The following PXDN variants were observed in gnomAD, a reference collection of about 807,000 sequenced individuals.
PXDN encodes the protein peroxidasin, also known as peroxidasin homolog.
In PXDN, 77 loss-of-function variants were observed where a neutral mutation model predicts 140.3. That is an observed-to-expected ratio of 0.55 (90% CI 0.46 to 0.66). The LOEUF is 0.66. Among genes scored for constraint, PXDN ranks in the 30% least tolerant of loss-of-function variants. The pLI is 0.00. For synonymous variants in PXDN, 911 were observed against 857.4 expected, an observed-to-expected ratio of 1.06 and a Z score of -1.09; for missense variants, 1,838 against 2,039.5, an observed-to-expected ratio of 0.90 and a Z score of 1.90.
intron 1 of PXDN, among the ~76,000 whole-genome samples, chr2:1,700,204 G>T (rs1165805896): frequency 6.6e-6 from 1 of 152,160 alleles, no homozygotes; most frequent in Non-Finnish European, 1.5e-5. Context: ...TGGGATTACA[G>T]GCGCATGCCA....
chr2:1,743,767 G>C (rs114382205), intron 1 of PXDN, among the ~76,000 whole-genome samples: 1 of 130,922 alleles, frequency 7.6e-6, no homozygotes, highest in East Asian at 2.5e-4. Flanking sequence ...GACGAGGAAC[G>C]GGGCGGAGGG....
At position 1,687,642 on chromosome 2, in the gene PXDN, G is replaced by C; in HGVS notation, c.406C>G (p.Leu136Val). 6.6e-7 allele frequency: 1 copy of C among 1,514,786 alleles called. No homozygotes were observed. The allele number at this position is 1,514,786 out of a possible 1,614,324, so 93.8% of individuals were successfully genotyped here. The change falls in exon 4 of 23, where the codon CTA becomes GTA. Residue 136 changes from leucine to valine, a missense_variant. Coordinates refer to ENST00000252804, the MANE Select transcript of PXDN (RefSeq NM_012293.3). This position sits in a 1 kb window ranked among gnomAD's most constrained non-coding sequence, Gnocchi z 4.0. ...DRQAFKGLAS[L>V]EQLYLHFNQI... is the part of the protein sequence containing the mutation. ...AGAAGGGGCACTTACAGTTGCTCTAGAGAGGCAAGTCCCTTAAATGCTTGC... is the reference window on the plus strand; with the variant it reads ...AGAAGGGGCACTTACAGTTGCTCTACAGAGGCAAGTCCCTTAAATGCTTGC...
Position 1,639,273 on chromosome 2 carries a change from A to G in PXDN, c.4073+29T>C. On this transcript the variant is annotated intron_variant, in intron 20 of 22. Transcript: ENST00000252804. The surrounding 1 kb of genome is among the most constrained non-coding windows in gnomAD (Gnocchi z 5.0). ...GCCCGCGGTGCGAGGGCCCCTCTGCACATCATTTGACCTCAGAGACCACCA... is the reference window on the plus strand; with the variant it reads ...GCCCGCGGTGCGAGGGCCCCTCTGCGCATCATTTGACCTCAGAGACCACCA... 6.2e-7 allele frequency: 1 copy of G among 1,601,446 alleles called. No individual in the cohort carries two copies. The highest frequency in any genetic ancestry group is 8.5e-7 in the Non-Finnish European group (1 of 1,173,676).
At chr2:1,738,703 C>T (rs1685472782) in intron 1 of PXDN, among the ~76,000 whole-genome samples, 1 of 152,132 alleles carries the variant, frequency 6.6e-6, no homozygotes, top group African/African-American at 2.4e-5. Flanking sequence ...TGTGCACCAC[C>T]AGGCCCAGCT....
chr2:1,668,107 T>C (rs901322251), intron 9 of PXDN, among the ~76,000 whole-genome samples: 5 of 152,066 alleles, frequency 3.3e-5, no homozygotes, highest in African/African-American at 9.7e-5. Context: ...AACAGAGATA[T>C]AGACAATAGA....
chr2:1,726,182 TG>T (rs966147136), intron 1 of PXDN, among the ~76,000 whole-genome samples: 2 of 151,870 alleles, frequency 1.3e-5, no homozygotes, highest in African/African-American at 4.8e-5. Flanking sequence ...CCAACCCAAA[TG>T]TCCAACAATG....
intron 12 of PXDN, among the ~76,000 whole-genome samples, chr2:1,662,706 G>A (rs993135908): frequency 9.2e-5 from 14 of 152,164 alleles, no homozygotes; most frequent in South Asian, 6.2e-4. Flanking sequence ...GGCACCCAGC[G>A]TTCTGCTAGG....
rs774824301 is a variant in PXDN, at chr2:1,648,432, C to T, written c.3348G>A (p.Pro1116=). Residue 1116 remains proline (P), a synonymous_variant, in exon 17 of 23, where the codon CCG becomes CCA. Transcript: ENST00000252804. This position sits in a 1 kb window ranked among gnomAD's most constrained non-coding sequence, Gnocchi z 8.9. ...CCACCCCGAACAGCCCCCTGAGAAG[C>T]GGATCGATGCCGCCCTCATTCACAA... The part of the protein sequence containing the change: ...FRIVNEGGID[P]LLRGLFGVAG... The T allele has an allele frequency of 4.3e-6, 7 of 1,610,736 alleles. No homozygotes were observed. The highest frequency in any genetic ancestry group is 1.7e-5 in the Admixed American group (1 of 59,998).
Position 1,660,741 on chromosome 2 carries a change from TC to T in PXDN, c.1837+139del, listed in dbSNP as rs1296802668. Reference sequence around the variant, plus strand: ...AGCCCGGCCATGCATCAGGAGAGTGTCCCCACCTGGGAATCAAGGGTGCTTT... The same window carrying T: ...AGCCCGGCCATGCATCAGGAGAGTGTCCCACCTGGGAATCAAGGGTGCTTT... On this transcript the variant is annotated intron_variant, in intron 14 of 22. Transcript: ENST00000252804. This position sits in a 1 kb window ranked among gnomAD's most constrained non-coding sequence, Gnocchi z 4.6. The T allele has an allele frequency of 8.7e-6, 10 of 1,146,446 alleles. No individual in the cohort carries two copies. The highest frequency in any genetic ancestry group is 1.6e-5 in the African/African-American group (1 of 64,226). The allele number at this position is 1,146,446 out of a possible 1,614,324, so 71.0% of individuals were successfully genotyped here. A position where few individuals can be genotyped will look rare whatever the true frequency, so the allele number is the denominator to read the frequency against.
At chr2:1,713,020 C>T (rs146517257) in intron 1 of PXDN, among the ~76,000 whole-genome samples, 15 of 152,182 alleles carry the variant, frequency 9.9e-5, no homozygotes, top group Middle Eastern at 3.4e-3. Flanking sequence ...CCACTGTGTC[C>T]GGCCGTTTTG....
intron 1 of PXDN, among the ~76,000 whole-genome samples, chr2:1,734,374 A>G (rs1685383313): frequency 6.6e-6 from 1 of 152,236 alleles, no homozygotes; most frequent in African/African-American, 2.4e-5. Flanking sequence ...TTTGGCTGGT[A>G]GAGAACCTTG....
intron 1 of PXDN, among the ~76,000 whole-genome samples, chr2:1,701,467 T>C (rs1194977586): frequency 6.6e-6 from 1 of 151,764 alleles, no homozygotes; most frequent in Admixed American, 6.6e-5. Context: ...GCAGGAGAAA[T>C]GGGTGCCCAG....
intron 1 of PXDN, among the ~76,000 whole-genome samples, chr2:1,734,735 C>T (rs773830920): frequency 1.4e-4 from 22 of 152,090 alleles, no homozygotes; most frequent in Non-Finnish European, 2.8e-4. Flanking sequence ...GGCATGGTGG[C>T]GCATGGCTGT....
At chr2:1,667,240 G>T (rs1357929428) in intron 9 of PXDN, among the ~76,000 whole-genome samples, 2 of 152,088 alleles carry the variant, frequency 1.3e-5, no homozygotes, top group Non-Finnish European at 2.9e-5. Flanking sequence ...AATTTGAAAA[G>T]ATTAACAAAA....
chr2:1,658,025 G>A (rs7584015), intron 14 of PXDN, among the ~76,000 whole-genome samples: 1 of 101,844 alleles, frequency 9.8e-6, no homozygotes, highest in Non-Finnish European at 1.9e-5. Context: ...TTTCAGCTGT[G>A]GGCTCTCTCT....
In PXDN at chr2:1,649,607, C is replaced by G; in HGVS notation, c.2173G>C (p.Ala725Pro). ...NLIANLSGCT[A>P]HRRVNNCSDM... ...GAGCAGTTGTTCACGCGCCGGTGGG[C>G]GGTACAGCCCGACAGGTTTGCGATG... Residue 725 changes from alanine (A) to proline (P), a missense_variant, in exon 17 of 23, where the codon GCC becomes CCC. Transcript: ENST00000252804. This position sits in a 1 kb window ranked among gnomAD's most constrained non-coding sequence, Gnocchi z 7.1. The G allele has an allele frequency of 6.2e-7, 1 of 1,613,994 alleles. No homozygotes were observed. The highest frequency in any genetic ancestry group is 8.5e-7 in the Non-Finnish European group (1 of 1,179,888).
chr2:1,695,352 G>A (rs1384925001), intron 1 of PXDN, among the ~76,000 whole-genome samples: 156 of 138,760 alleles, frequency 1.1e-3, no homozygotes, highest in Middle Eastern at 4.5e-3. Context: ...ACAAGTCCCT[G>A]TGCCCTGGGT....
At chr2:1,717,326 C>T (rs1684918885) in intron 1 of PXDN, among the ~76,000 whole-genome samples, 1 of 152,132 alleles carries the variant, frequency 6.6e-6, no homozygotes, top group African/African-American at 2.4e-5. Flanking sequence ...GTCCACTATT[C>T]AAGGCCTCTT....
chr2:1,659,412 C>T (rs1217042463), intron 14 of PXDN, among the ~76,000 whole-genome samples: 1 of 152,176 alleles, frequency 6.6e-6, no homozygotes, highest in East Asian at 1.9e-4. Context: ...ATGAGACATA[C>T]AATTTTATAT....
Sources: allele counts gnomAD v4.1 joint callset (sites outside exome capture counted in the v4.1 genomes callset), GRCh38; gene constraint gnomAD v4.1.1; non-coding constraint Gnocchi (gnomAD v3.1); transcripts MANE v1.5; gene names NCBI Gene and HGNC (gene_info 2026-07-23, HGNC 2026-07-21).